The following AATF variants were observed in gnomAD, a reference collection of about 807,000 sequenced individuals.
AATF encodes apoptosis antagonizing transcription factor, also known as protein AATF.
In AATF, 48 loss-of-function variants were observed where a neutral mutation model predicts 63.7. The ratio of observed to expected loss-of-function variants is 0.75; its 90% CI spans 0.60 to 0.96. AATF has a LOEUF of 0.96. Ranked by LOEUF, AATF falls within the 40% of genes least tolerant of loss-of-function variation. AATF has a pLI of 0.00. For missense variants in AATF, 639 were observed against 685.7 expected (o/e 0.93, Z 0.76); for synonymous variants, 258 against 247.7 (o/e 1.04, Z -0.39).
intron 4 of AATF, among the ~76,000 whole-genome samples, chr17:36,968,023 A>G (rs531664635): frequency 6.6e-6 from 1 of 151,742 alleles, no homozygotes; most frequent in East Asian, 1.9e-4. Context: ...TCAGTCCTGG[A>G]AAATCCTCTT....
At chr17:37,003,189 C>T (rs2071315381) in intron 8 of AATF, among the ~76,000 whole-genome samples, 1 of 152,088 alleles carries the variant, frequency 6.6e-6, no homozygotes, top group African/African-American at 2.4e-5. Flanking sequence ...CAAGACGATT[C>T]AGTGGGCAGA....
intron 11 of AATF, among the ~76,000 whole-genome samples, chr17:37,053,528 A>C (rs898252468): frequency 6.6e-6 from 1 of 152,202 alleles, no homozygotes; most frequent in Non-Finnish European, 1.5e-5. Flanking sequence ...CTCTGTAGGG[A>C]AAAGTCAGGT....
At chr17:37,023,018 T>G (rs986042687) in intron 10 of AATF, among the ~76,000 whole-genome samples, 6 of 152,194 alleles carry the variant, frequency 3.9e-5, no homozygotes, top group African/African-American at 1.4e-4. Context: ...TTTTTATTTT[T>G]GGGATCAAAT....
chr17:37,022,763 G>T (rs1456856548), intron 10 of AATF, among the ~76,000 whole-genome samples: 1 of 152,190 alleles, frequency 6.6e-6, no homozygotes, highest in Non-Finnish European at 1.5e-5. Flanking sequence ...AATAGGGTGT[G>T]TATGGCTCTT....
intron 8 of AATF, among the ~76,000 whole-genome samples, chr17:37,007,350 G>A (rs2071349172): frequency 6.7e-6 from 1 of 149,180 alleles, no homozygotes; most frequent in Admixed American, 6.7e-5. Context: ...ACCACACCTG[G>A]CTAATTTAAT....
At chr17:37,008,563 A>G (rs1342930243) in intron 8 of AATF, among the ~76,000 whole-genome samples, 1 of 152,202 alleles carries the variant, frequency 6.6e-6, no homozygotes, top group East Asian at 1.9e-4. Context: ...AGATATTTAA[A>G]TAGAAAATCC....
chr17:36,988,232 G>A lies in AATF; in HGVS notation c.948-287G>A, dbSNP rs1015719737. Among the ~76,000 whole-genome samples the A allele has an allele frequency of 4.6e-5, 7 of 152,126 alleles. No individual in the cohort carries two copies. In the East Asian group the frequency reaches 1.3e-3, roughly 29 times the overall value. On this transcript the variant is annotated intron_variant, in intron 5 of 11. Transcript: ENST00000619387. ...CCCATGAGGCTGAGGCATGAGAATT[G>A]CTTGAACCCAGAAGTGGAGGTTGCA...
intron 7 of AATF, among the ~76,000 whole-genome samples, chr17:36,989,989 T>A (rs970392880): frequency 8.3e-6 from 1 of 121,012 alleles, no homozygotes; most frequent in Non-Finnish European, 2.0e-5. Flanking sequence ...AGGTGAAATT[T>A]TCAGTATTTA....
chr17:37,024,973 A>G (rs1203778794), intron 10 of AATF, among the ~76,000 whole-genome samples: 2 of 152,092 alleles, frequency 1.3e-5, no homozygotes, highest in East Asian at 1.9e-4. Flanking sequence ...AAAAAAAGAT[A>G]ATTGTAGGAG....
At chr17:36,988,235 T>C (rs1429027911) in intron 5 of AATF, among the ~76,000 whole-genome samples, 1 of 152,116 alleles carries the variant, frequency 6.6e-6, no homozygotes, top group Non-Finnish European at 1.5e-5. Context: ...GAGAATTGCT[T>C]GAACCCAGAA....
intron 4 of AATF, among the ~76,000 whole-genome samples, chr17:36,978,418 T>G (rs1198431500): frequency 3.9e-5 from 6 of 152,150 alleles, no homozygotes; most frequent in Non-Finnish European, 7.4e-5. Flanking sequence ...CGCCTTCTAC[T>G]GTGGTGCCCT....
chr17:37,042,438 A>G (rs2071648612), intron 11 of AATF, among the ~76,000 whole-genome samples: 1 of 151,364 alleles, frequency 6.6e-6, no homozygotes, highest in Admixed American at 6.6e-5. Flanking sequence ...AACAAAAGAC[A>G]AGGTTTTACT....
chr17:36,963,274 TAG>T (rs1298812475), intron 4 of AATF, among the ~76,000 whole-genome samples: 1 of 152,236 alleles, frequency 6.6e-6, no homozygotes, highest in Non-Finnish European at 1.5e-5. Flanking sequence ...GGTACCTCTT[TAG>T]TGAGCATCGA....
chr17:37,020,904 G>A (rs774556378), intron 9 of AATF, 30 bp from the exon 10 acceptor site: 1 of 1,556,108 alleles, frequency 6.4e-7, no homozygotes, highest in Non-Finnish European at 8.8e-7. Context: ...TGTTAGTGAT[G>A]ATGCATAACA....
intron 8 of AATF, among the ~76,000 whole-genome samples, chr17:37,017,715 A>G (rs138676989): frequency 3.9e-4 from 60 of 152,308 alleles, no homozygotes; most frequent in African/African-American, 1.3e-3. Context: ...AAAAAACATC[A>G]TGGGAGGTTT....
At chr17:36,978,138 A>AT (rs558749255) in intron 4 of AATF, among the ~76,000 whole-genome samples, 3 of 151,538 alleles carry the variant, frequency 2.0e-5, no homozygotes, top group Admixed American at 6.6e-5. Context: ...AATGGTAAGA[A>AT]TTTTTTTTTC....
At position 37,012,610 on chromosome 17, in the gene AATF, T is replaced by A. The variant is rs115537218; in HGVS notation, c.1399-6395T>A. Among the ~76,000 whole-genome samples the A allele has an allele frequency of 1.8e-3, 270 of 152,340 alleles. 2 individuals carry two copies. The highest frequency in any genetic ancestry group is 6.2e-3 in the African/African-American group (259 of 41,588). On this transcript the variant is annotated intron_variant, in intron 8 of 11. Coordinates refer to ENST00000619387, the MANE Select transcript of AATF (RefSeq NM_012138.4). ...TTTTTCCTTCTCAAGCATCTGTGGC[T>A]ATGAACTGTGGAAGCCTAAAAAGTA...
intron 8 of AATF, among the ~76,000 whole-genome samples, chr17:37,011,628 C>T (rs2071391665): frequency 6.6e-6 from 1 of 151,936 alleles, no homozygotes; most frequent in Non-Finnish European, 1.5e-5. Context: ...TGAGGAGTGG[C>T]AGTATTTAAT....
chr17:36,960,709 C>T (rs1333206749), intron 4 of AATF, among the ~76,000 whole-genome samples: 1 of 152,138 alleles, frequency 6.6e-6, no homozygotes, highest in Non-Finnish European at 1.5e-5. Context: ...TTTTTAATTA[C>T]TTGGGATGGG....
Sources: allele counts gnomAD v4.1 joint callset (sites outside exome capture counted in the v4.1 genomes callset), GRCh38; gene constraint gnomAD v4.1.1; transcripts MANE v1.5; gene names NCBI Gene and HGNC (gene_info 2026-07-23, HGNC 2026-07-21).